The following KCTD8 variants were observed in gnomAD, a reference collection of about 807,000 sequenced individuals.
The protein encoded by KCTD8 is potassium channel tetramerization domain containing 8, also known as BTB/POZ domain-containing protein KCTD8.
Under a neutral mutation model 31.5 loss-of-function variants are expected in KCTD8, and 27 were observed. The ratio of observed to expected loss-of-function variants is 0.86; its 90% CI spans 0.63 to 1.18. KCTD8 has a LOEUF of 1.18. KCTD8 is among the 50% of genes most tolerant of loss of function. KCTD8 has a pLI of 0.00. For missense variants in KCTD8, 658 were observed against 647.7 expected, an observed-to-expected ratio of 1.02 and a Z score of -0.17; for synonymous variants, 290 against 280.0, an observed-to-expected ratio of 1.04 and a Z score of -0.36.
intron 1 of KCTD8, among the ~76,000 whole-genome samples, chr4:44,367,711 GT>G (rs1719678396): frequency 6.6e-6 from 1 of 152,058 alleles, no homozygotes; most frequent in African/African-American, 2.4e-5. Context: ...CTGACTTTCA[GT>G]TTGATGATCT....
chr4:44,397,265 A>G (rs1041189832), intron 1 of KCTD8, among the ~76,000 whole-genome samples: 4 of 152,186 alleles, frequency 2.6e-5, no homozygotes, highest in African/African-American at 9.6e-5. Context: ...AAGTGAAATT[A>G]GTGAAATCAG....
intron 1 of KCTD8, among the ~76,000 whole-genome samples, chr4:44,401,509 C>A (rs1720662495): frequency 6.6e-6 from 1 of 152,060 alleles, no homozygotes; most frequent in African/African-American, 2.4e-5. Context: ...TGAAAAAGAA[C>A]AATCAAGTCA....
rs1459046603 is a variant in KCTD8 at position 44,447,554 on chromosome 4, C to T, written c.961+9G>A. ...GGGGTGCTGGGAAACGCCGGGGCTGCGAACTTACGGAAGAAAATGTACTCG... is the reference window on the plus strand; with the variant it reads ...GGGGTGCTGGGAAACGCCGGGGCTGTGAACTTACGGAAGAAAATGTACTCG... On this transcript the variant is annotated intron_variant, in intron 1 of 1. Coordinates refer to ENST00000360029, the MANE Select transcript of KCTD8 (RefSeq NM_198353.3). 4 of 1,539,392 alleles carry T rather than the reference C, an allele frequency of 2.6e-6. No individual in the cohort carries two copies. The highest frequency in any genetic ancestry group is 3.5e-4 in the Middle Eastern group (2 of 5,778).
chr4:44,347,523 C>T (rs368254947), intron 1 of KCTD8, among the ~76,000 whole-genome samples: 81 of 152,210 alleles, frequency 5.3e-4, no homozygotes, highest in African/African-American at 1.9e-3. Flanking sequence ...TGAAGAAATC[C>T]CTCGGTTTGC....
At chr4:44,353,565 C>T (rs951034569) in intron 1 of KCTD8, among the ~76,000 whole-genome samples, 3 of 151,892 alleles carry the variant, frequency 2.0e-5, no homozygotes, top group Admixed American at 6.6e-5. Context: ...GGTTGCATTC[C>T]TTCTATCTAA....
chr4:44,266,772 C>T (rs1716382905), intron 1 of KCTD8, among the ~76,000 whole-genome samples: 1 of 152,034 alleles, frequency 6.6e-6, no homozygotes, highest in Non-Finnish European at 1.5e-5. Flanking sequence ...GGCTTTAAAC[C>T]AACAAAGATC....
chr4:44,448,629 T>C lies in KCTD8; in HGVS notation c.-106A>G. On this transcript the variant is annotated 5_prime_UTR_variant, in exon 1 of 2. Coordinates refer to ENST00000360029, the MANE Select transcript of KCTD8 (RefSeq NM_198353.3). This position sits in a 1 kb window ranked among gnomAD's most constrained non-coding sequence, Gnocchi z 4.1. ...CTCCTGGCGCTCTGCGCCCTCGGACTGGGCGGCGCGTTCCTCCGACCGGGG... is the reference window on the plus strand; with the variant it reads ...CTCCTGGCGCTCTGCGCCCTCGGACCGGGCGGCGCGTTCCTCCGACCGGGG... 8.3e-7 allele frequency: 1 copy of C among 1,204,460 alleles called. No homozygotes were observed. The highest frequency in any genetic ancestry group is 1.1e-6 in the Non-Finnish European group (1 of 950,742). The allele number at this position is 1,204,460 out of a possible 1,614,324, so 74.6% of individuals were successfully genotyped here.
chr4:44,250,686 T>G (rs1715801081), intron 1 of KCTD8, among the ~76,000 whole-genome samples: 1 of 151,754 alleles, frequency 6.6e-6, no homozygotes, highest in Non-Finnish European at 1.5e-5. Flanking sequence ...TTAAACAGAT[T>G]TTTCTCTTTT....
chr4:44,438,793 G>T (rs572207682), intron 1 of KCTD8, among the ~76,000 whole-genome samples: 1 of 152,226 alleles, frequency 6.6e-6, no homozygotes, highest in South Asian at 2.1e-4. Flanking sequence ...ATTATTGTGA[G>T]GCCCTTAAAT....
intron 1 of KCTD8, among the ~76,000 whole-genome samples, chr4:44,195,279 T>C (rs928495720): frequency 6.6e-6 from 1 of 152,122 alleles, no homozygotes; most frequent in Non-Finnish European, 1.5e-5. Flanking sequence ...AGACTCCTAA[T>C]TAAGAATTAT....
chr4:44,223,125 T>A lies in KCTD8; in HGVS notation c.962-47875A>T, dbSNP rs566202164. 7.2e-5 allele frequency among the ~76,000 whole-genome samples: 11 copies of A among 152,318 alleles called. No individual in the cohort carries two copies. The South Asian group carries it at 2.3e-3, about 32-fold the overall frequency. On this transcript the variant is annotated intron_variant, in intron 1 of 1. Coordinates refer to ENST00000360029, the MANE Select transcript of KCTD8 (RefSeq NM_198353.3). ...TAGTAGAGTGAAATAGATGGATTTTTAAAAATATAATTTGAAGGTAGGCCC... is the reference window on the plus strand; with the variant it reads ...TAGTAGAGTGAAATAGATGGATTTTAAAAAATATAATTTGAAGGTAGGCCC...
chr4:44,285,195 C>G (rs1009284196), intron 1 of KCTD8, among the ~76,000 whole-genome samples: 6 of 152,128 alleles, frequency 3.9e-5, no homozygotes, highest in Non-Finnish European at 8.8e-5. Context: ...CAGCTTTATT[C>G]ACAATAGCAA....
At chr4:44,317,228 CTTTT>C (rs760060899) in intron 1 of KCTD8, among the ~76,000 whole-genome samples, 11 of 36,536 alleles carry the variant, frequency 3.0e-4, no homozygotes, top group South Asian at 1.5e-3. Flanking sequence ...TGGGTGCTTT[CTTTT>C]TTTTTTTTTT....
chr4:44,333,862 GAAGTT>G (rs1222266747), intron 1 of KCTD8, among the ~76,000 whole-genome samples: 3 of 152,004 alleles, frequency 2.0e-5, no homozygotes, highest in Admixed American at 6.6e-5. Context: ...CGGTGCCAAA[GAAGTT>G]AAGAAAAAAA....
At chr4:44,362,953 A>G (rs1422505983) in intron 1 of KCTD8, among the ~76,000 whole-genome samples, 1 of 152,014 alleles carries the variant, frequency 6.6e-6, no homozygotes, top group Non-Finnish European at 1.5e-5. Context: ...TTTTCTTTTT[A>G]TAACGTGGGT....
chr4:44,331,829 A>G (rs1457162790), intron 1 of KCTD8, among the ~76,000 whole-genome samples: 1 of 149,666 alleles, frequency 6.7e-6, no homozygotes, highest in Non-Finnish European at 1.5e-5. Flanking sequence ...CATATATATG[A>G]AAAAAATAAA....
intron 1 of KCTD8, among the ~76,000 whole-genome samples, chr4:44,234,455 A>G (rs542768671): frequency 6.6e-6 from 1 of 152,320 alleles, no homozygotes; most frequent in Admixed American, 6.5e-5. Context: ...TAAGTATCAA[A>G]AGAGATAGTT....
chr4:44,379,519 G>C (rs571188660), intron 1 of KCTD8, among the ~76,000 whole-genome samples: 1 of 152,182 alleles, frequency 6.6e-6, no homozygotes, highest in African/African-American at 2.4e-5. Context: ...TGCAAATCAT[G>C]TGATTAGTCC....
intron 1 of KCTD8, among the ~76,000 whole-genome samples, chr4:44,314,714 C>T (rs1718058481): frequency 6.6e-6 from 1 of 151,866 alleles, no homozygotes; most frequent in Non-Finnish European, 1.5e-5. Flanking sequence ...CTGCAACTTA[C>T]TTGTTTTATT....
Sources: gnomAD v4.1 joint callset for allele counts (sites outside exome capture counted in the v4.1 genomes callset) on GRCh38, gnomAD v4.1.1 for gene constraint, Gnocchi (gnomAD v3.1) non-coding constraint, MANE v1.5 for transcripts, NCBI Gene and HGNC (gene_info 2026-07-23, HGNC 2026-07-21) for gene names.